RTL4: variants seen among roughly 807,000 people sequenced by gnomAD.
RTL4 encodes retrotransposon Gag-like protein 4.
RTL4 carries 4 observed loss-of-function variants against 5.3 expected under a neutral mutation model. That is an observed-to-expected ratio of 0.75 (90% CI 0.37 to 1.72). The LOEUF (loss-of-function observed/expected upper bound fraction) is 1.72, where lower values mean the gene tolerates loss of function less well. RTL4 is among the 40% of genes most tolerant of loss of function. The probability of loss-of-function intolerance (pLI) is 0.04; values close to 1 mark genes in which losing one functional copy is unlikely to be tolerated. For synonymous variants in RTL4, 98 were observed against 87.3 expected (o/e 1.12, Z -0.68); for missense variants, 260 against 227.1 (o/e 1.14, Z -0.93).
the RTL4 span, among the ~76,000 whole-genome samples, chrX:112,153,781 A>G: frequency 9.0e-6 from 1 of 111,309 alleles, no homozygotes; most frequent in Non-Finnish European, 1.9e-5. Flanking sequence ...TTCTTTTTGT[A>G]CCGTTCGATT....
chrX:112,139,054 T>C, the RTL4 span, among the ~76,000 whole-genome samples: 1 of 111,765 alleles, frequency 8.9e-6, no homozygotes, highest in Non-Finnish European at 1.9e-5. Flanking sequence ...CTTAACACTT[T>C]TGAAGCATAT....
the RTL4 span, among the ~76,000 whole-genome samples, chrX:112,363,319 G>A: frequency 1.8e-5 from 2 of 111,172 alleles, no homozygotes; most frequent in East Asian, 2.9e-4. Flanking sequence ...AATGGTTGGA[G>A]GGTCTCCAGG....
chrX:112,280,395 T>C, the RTL4 span, among the ~76,000 whole-genome samples: 1 of 111,748 alleles, frequency 8.9e-6, no homozygotes, highest in African/African-American at 3.2e-5. Flanking sequence ...GGATCATTCA[T>C]AACACAAACC....
At chrX:112,087,329 CTTTT>C in the RTL4 span, among the ~76,000 whole-genome samples, 1 of 91,283 alleles carries the variant, frequency 1.1e-5, no homozygotes, top group African/African-American at 4.0e-5. Flanking sequence ...TGGTCTTCAG[CTTTT>C]TTTTTTTTTT....
the RTL4 span, among the ~76,000 whole-genome samples, chrX:112,250,285 A>C: frequency 9.0e-6 from 1 of 111,111 alleles, no homozygotes; most frequent in Non-Finnish European, 1.9e-5. Context: ...TCTCAAAAAA[A>C]AAAAAAGAAA....
the RTL4 span, among the ~76,000 whole-genome samples, chrX:112,329,180 G>A: frequency 2.7e-5 from 3 of 111,082 alleles, no homozygotes; most frequent in African/African-American, 9.8e-5. Flanking sequence ...GAAGGAGATA[G>A]AGACACAAAA....
the RTL4 span, among the ~76,000 whole-genome samples, chrX:112,439,465 C>T: frequency 2.7e-5 from 3 of 111,853 alleles, no homozygotes; most frequent in African/African-American, 9.8e-5. Flanking sequence ...GAGTCTTAAA[C>T]ATCTTCCTGG....
the RTL4 span, among the ~76,000 whole-genome samples, chrX:112,185,296 G>A: frequency 9.4e-6 from 1 of 106,920 alleles, no homozygotes; most frequent in Non-Finnish European, 1.9e-5. Flanking sequence ...GTCAGGAGAA[G>A]GGAAGGGCTC....
At chrX:112,372,480 T>C in the RTL4 span, among the ~76,000 whole-genome samples, 1 of 111,089 alleles carries the variant, frequency 9.0e-6, no homozygotes, top group South Asian at 3.8e-4. Flanking sequence ...CTTGAGGATT[T>C]TTCTTCTATT....
At chrX:112,167,061 A>C in the RTL4 span, among the ~76,000 whole-genome samples, 1 of 111,595 alleles carries the variant, frequency 9.0e-6, no homozygotes, top group Non-Finnish European at 1.9e-5. Flanking sequence ...CCTAACAGGA[A>C]GAATGAGATG....
the RTL4 span, among the ~76,000 whole-genome samples, chrX:112,314,277 G>GCC: frequency 4.5e-5 from 5 of 111,134 alleles, no homozygotes; most frequent in African/African-American, 1.6e-4. Flanking sequence ...AGATAAAACT[G>GCC]ATCAAGCAAT....
chrX:112,352,528 A>G, the RTL4 span, among the ~76,000 whole-genome samples: 2 of 111,133 alleles, frequency 1.8e-5, no homozygotes, highest in South Asian at 3.8e-4. Context: ...ATAATGCTGC[A>G]TATCTACAAC....
chrX:112,101,798 T>A, the RTL4 span, among the ~76,000 whole-genome samples: 6 of 110,025 alleles, frequency 5.5e-5, no homozygotes, highest in Non-Finnish European at 1.9e-5. Flanking sequence ...AATACAATGA[T>A]GAATGTCCTT....
the RTL4 span, among the ~76,000 whole-genome samples, chrX:112,311,110 C>T: frequency 9.2e-6 from 1 of 108,187 alleles, no homozygotes; most frequent in African/African-American, 3.4e-5. Flanking sequence ...CTTCCAGAAG[C>T]CTTAAGCTCT....
At chrX:112,310,812 AT>A in the RTL4 span, among the ~76,000 whole-genome samples, 23 of 85,973 alleles carry the variant, frequency 2.7e-4, no homozygotes, top group Admixed American at 5.1e-4. Flanking sequence ...TATATTATAT[AT>A]TATATATATT....
the RTL4 span, among the ~76,000 whole-genome samples, chrX:112,338,740 C>G: frequency 1.8e-5 from 2 of 111,599 alleles, no homozygotes; most frequent in African/African-American, 6.5e-5. Context: ...CCCCTTTCTA[C>G]TACACTCTTC....
At chrX:112,158,922 A>T in the RTL4 span, among the ~76,000 whole-genome samples, 3 of 111,782 alleles carry the variant, frequency 2.7e-5, no homozygotes, top group African/African-American at 9.8e-5. Flanking sequence ...GTTTACAGAG[A>T]TATACACTCT....
At chrX:112,187,463 G>C in the RTL4 span, among the ~76,000 whole-genome samples, 1 of 111,488 alleles carries the variant, frequency 9.0e-6, no homozygotes, top group Non-Finnish European at 1.9e-5. Context: ...TGGGGGCACC[G>C]TGGTACAGAA....
the RTL4 span, among the ~76,000 whole-genome samples, chrX:112,434,725 CAGA>C: frequency 1.3e-4 from 15 of 111,583 alleles, no homozygotes; most frequent in African/African-American, 4.9e-4. Flanking sequence ...GACCAGAAAC[CAGA>C]AGTAAAGCTT....
Sources: allele counts gnomAD v4.1 joint callset (sites outside exome capture counted in the v4.1 genomes callset), GRCh38; gene constraint gnomAD v4.1.1; transcripts MANE v1.5; gene names NCBI Gene and HGNC (gene_info 2026-07-23, HGNC 2026-07-21).